POLR3G: variants seen among roughly 807,000 people sequenced by gnomAD.
The protein encoded by POLR3G is RNA polymerase III subunit G.
Under a neutral mutation model 30.1 loss-of-function variants are expected in POLR3G, and 28 were observed. The observed-to-expected ratio is 0.93, with a 90% CI of 0.69 to 1.27. The LOEUF (loss-of-function observed/expected upper bound fraction) is 1.27. POLR3G is among the 50% of genes most tolerant of loss of function. The pLI is 0.00. For missense variants in POLR3G, 254 were observed against 264.6 expected (o/e 0.96, Z 0.28); for synonymous variants, 79 against 82.5 (o/e 0.96, Z 0.23).
intron 5 of POLR3G, among the ~76,000 whole-genome samples, chr5:90,498,856 G>A (rs1049994268): frequency 4.6e-5 from 7 of 152,172 alleles, no homozygotes; most frequent in African/African-American, 1.7e-4. Flanking sequence ...AATAATCCTT[G>A]TCCTCATGGA....
intron 6 of POLR3G, 37 bp downstream of exon 6, chr5:90,502,025 A>T: frequency 6.3e-7 from 1 of 1,596,270 alleles, no homozygotes; most frequent in Non-Finnish European, 8.5e-7. Flanking sequence ...TGAACTGAAA[A>T]AATGTAAAAG....
At position 90,496,027 on chromosome 5, in the gene POLR3G, A is replaced by G. The variant is rs533689886; in HGVS notation, c.304+294A>G. ...TGCTCTGTCGCCCAGGCTGGAGTGC[A>G]GTGGCACGATATCGGCTCATTGCAA... On this transcript the variant is annotated intron_variant, in intron 4 of 7. Coordinates refer to ENST00000651687, the MANE Select transcript of POLR3G (RefSeq NM_006467.3). Among the ~76,000 whole-genome samples, 249 of 152,146 alleles carry G rather than the reference A, an allele frequency of 1.6e-3. 1 individual carries two copies. Among genetic ancestry groups the G allele is most frequent in the African/African-American group, 5.8e-3 (240 of 41,522 alleles).
intron 3 of POLR3G, among the ~76,000 whole-genome samples, chr5:90,489,389 C>T (rs1400678313): frequency 6.6e-6 from 1 of 151,788 alleles, no homozygotes; most frequent in African/African-American, 2.4e-5. Flanking sequence ...TCTCAGCCTC[C>T]TGAGTAGCTG....
At chr5:90,492,840 G>A (rs1751793421) in intron 3 of POLR3G, among the ~76,000 whole-genome samples, 1 of 110,650 alleles carries the variant, frequency 9.0e-6, no homozygotes, top group South Asian at 3.1e-4. Context: ...CTGCACTCCA[G>A]CCTGGGCAAG....
At chr5:90,480,641 T>C (rs1444180356) in intron 1 of POLR3G, among the ~76,000 whole-genome samples, 1 of 152,192 alleles carries the variant, frequency 6.6e-6, no homozygotes, top group Non-Finnish European at 1.5e-5. Flanking sequence ...GATTCTGGTA[T>C]GGTAGGTTTG....
chr5:90,482,409 TG>T (rs1751166135), intron 1 of POLR3G, among the ~76,000 whole-genome samples: 1 of 152,252 alleles, frequency 6.6e-6, no homozygotes, highest in African/African-American at 2.4e-5. Context: ...ACCTTTAAGC[TG>T]TCCTTGTTCA....
At chr5:90,502,428 A>G in intron 6 of POLR3G, 1 of 841,896 alleles carries the variant, frequency 1.2e-6, no homozygotes, top group Non-Finnish European at 1.4e-6. Flanking sequence ...AATGTATTTT[A>G]TAGAACTTAT....
chr5:90,510,334 C>T (rs1037872486), intron 7 of POLR3G, among the ~76,000 whole-genome samples: 10 of 151,798 alleles, frequency 6.6e-5, no homozygotes, highest in Admixed American at 4.6e-4. Context: ...GCCGAGATCG[C>T]GCCACTGCAC....
At position 90,506,528 on chromosome 5, in the gene POLR3G, G is replaced by C; in HGVS notation, c.439G>C (p.Glu147Gln). 1 of 1,611,754 alleles carries C rather than the reference G, an allele frequency of 6.2e-7. No individual in the cohort carries two copies. The highest frequency in any genetic ancestry group is 8.5e-7 in the Non-Finnish European group (1 of 1,179,230). ...NTEDVLKKME[E>Q]LEKRGDGEKS... ...AATTAATGAAACTCACTTATACCAG[G>C]AATTGGAAAAAAGAGGTGATGGTGA... The change falls in exon 7 of 8, where the codon GAA becomes CAA. Residue 147 changes from glutamate (E) to glutamine (Q), a missense_variant and splice_region_variant. By Grantham distance (29) the Glu-to-Gln change is conservative. Coordinates refer to ENST00000651687, the MANE Select transcript of POLR3G (RefSeq NM_006467.3).
intron 2 of POLR3G, among the ~76,000 whole-genome samples, chr5:90,486,918 G>A (rs1751464951): frequency 6.6e-6 from 1 of 152,166 alleles, no homozygotes; most frequent in Non-Finnish European, 1.5e-5. Context: ...ATAAGTAGTT[G>A]CAGCATGAAT....
chr5:90,484,824 C>T (rs1198275549), intron 1 of POLR3G, among the ~76,000 whole-genome samples: 3 of 152,178 alleles, frequency 2.0e-5, no homozygotes, highest in Non-Finnish European at 2.9e-5. Context: ...CAGTTGAATG[C>T]AGACTTCTAT....
rs1446265766 is a variant in POLR3G, at chr5:90,512,924, G to T, written c.*785G>T. 6.6e-6 allele frequency: 1 copy of T among 152,090 alleles called. No individual in the cohort carries two copies. The highest frequency in any genetic ancestry group is 6.5e-5 in the Admixed American group (1 of 15,268). The allele number at this position is 152,090 out of a possible 1,614,324, so 9.4% of individuals were successfully genotyped here. The stretch of plus-strand genomic sequence containing the variant: ...TATACTTTATGTAAATGTGAAATAA[G>T]TTCTGGTCATATAAATATGTAGAAT... On this transcript the variant is annotated 3_prime_UTR_variant, in exon 8 of 8. Transcript: ENST00000651687.
chr5:90,474,016 A>G, upstream of POLR3G: 1 of 1,596,444 alleles, frequency 6.3e-7, no homozygotes, highest in Non-Finnish European at 8.5e-7. Flanking sequence ...TCGAACTGGT[A>G]GAGGCCGCCG....
At chr5:90,478,811 C>G (rs1309596883) in intron 1 of POLR3G, among the ~76,000 whole-genome samples, 1 of 151,574 alleles carries the variant, frequency 6.6e-6, no homozygotes, top group African/African-American at 2.4e-5. Context: ...TGGTGAAACC[C>G]TGTCTCTACT....
In POLR3G at chr5:90,513,060, AATT is replaced by A. The variant is rs760262792; in HGVS notation, c.*923_*925del. ...GCAAAATGAACTCAGGTCATTTTGA[AATT>A]AATATTAATATTTTTGTTGTTTAAC... On this transcript the variant is annotated 3_prime_UTR_variant, in exon 8 of 8. Transcript: ENST00000651687. 11 of 152,082 alleles carry A rather than the reference AATT, an allele frequency of 7.2e-5. No homozygotes were observed. Among genetic ancestry groups the A allele is most frequent in the Admixed American group, 1.3e-4 (2 of 15,270 alleles). 9.4% of individuals were successfully genotyped at this position (152,082 alleles called of 1,614,324 possible).
At chr5:90,491,311 G>T (rs1444078530) in intron 3 of POLR3G, among the ~76,000 whole-genome samples, 1 of 152,180 alleles carries the variant, frequency 6.6e-6, no homozygotes, top group Non-Finnish European at 1.5e-5. Flanking sequence ...TAGTCTAGTG[G>T]TTCCCAGCTC....
chr5:90,477,702 T>C (rs1173441971), intron 1 of POLR3G, among the ~76,000 whole-genome samples: 1 of 151,490 alleles, frequency 6.6e-6, no homozygotes, highest in Non-Finnish European at 1.5e-5. Flanking sequence ...TTGTTACTGG[T>C]GGAGGGTGTC....
intron 1 of POLR3G, 76 bp from the exon 2 acceptor site, chr5:90,485,449 G>T: frequency 1.4e-6 from 1 of 698,774 alleles, no homozygotes; most frequent in South Asian, 1.9e-5. Flanking sequence ...CTACTTAAGG[G>T]GTGCAGTTTT....
chr5:90,510,241 G>A (rs790082), intron 7 of POLR3G, among the ~76,000 whole-genome samples: 31,410 of 151,850 alleles, frequency 0.21, 3,423 homozygotes, highest in East Asian at 0.33. Context: ...AGCCGGGCGT[G>A]GTGGCAGGCG....
Sources: gnomAD v4.1 joint callset for allele counts (sites outside exome capture counted in the v4.1 genomes callset) on GRCh38, gnomAD v4.1.1 for gene constraint, MANE v1.5 for transcripts, NCBI Gene and HGNC (gene_info 2026-07-23, HGNC 2026-07-21) for gene names.